Variants in ITPR3 observed in about 807,000 individuals in gnomAD.
The protein encoded by ITPR3 is inositol 1,4,5-trisphosphate-gated calcium channel ITPR3.
ITPR3 carries 173 observed loss-of-function variants against 293.2 expected under a neutral mutation model. The observed-to-expected ratio is 0.59, with a 90% CI of 0.52 to 0.67. The LOEUF (loss-of-function observed/expected upper bound fraction) is 0.67. ITPR3 is among the 30% of genes least tolerant of loss of function. The pLI is 0.00. For synonymous variants in ITPR3, 1,295 were observed against 1,444.4 expected (o/e 0.90, Z 2.35); for missense variants, 2,796 against 3,592.1 (o/e 0.78, Z 5.66).
chr6:33,694,892 C>G (rs370106258), intron 56 of ITPR3, 32 bp from the exon 57 acceptor site: 15 of 1,613,874 alleles, frequency 9.3e-6, no homozygotes, highest in Non-Finnish European at 1.1e-5. Context: ...GCCGGGCCCA[C>G]GCCTGCTTAA....
rs759602838 is a variant in ITPR3, at chr6:33,671,197, C to T, written c.2619C>T (p.Phe873=). 3 of 1,613,780 alleles carry T rather than the reference C, an allele frequency of 1.9e-6. No individual in the cohort carries two copies. The highest frequency in any genetic ancestry group is 2.5e-6 in the Non-Finnish European group (3 of 1,179,948). Reference sequence around the variant, plus strand: ...GCCTGGCGCACAATCTCATCTACTTCGGCTTCTACAGCTTCAGCGAGCTGC... The same window carrying T: ...GCCTGGCGCACAATCTCATCTACTTTGGCTTCTACAGCTTCAGCGAGCTGC... ...VVSLAHNLIY[F]GFYSFSELLR... The change falls in exon 21 of 58, where the codon TTC becomes TTT. Residue 873 remains phenylalanine, a synonymous_variant. Coordinates refer to ENST00000605930, the MANE Select transcript of ITPR3 (RefSeq NM_002224.4).
chr6:33,659,579 G>A (rs749593049), intron 7 of ITPR3, 30 bp downstream of exon 7: 5 of 1,584,762 alleles, frequency 3.2e-6, no homozygotes, highest in Admixed American at 1.7e-5. Flanking sequence ...GCCCTGCCCA[G>A]CTGGCCACCT....
chr6:33,688,897 G>C (rs1250832230), intron 49 of ITPR3, 116 bp downstream of exon 49: 1 of 1,370,024 alleles, frequency 7.3e-7, no homozygotes, highest in Non-Finnish European at 1.0e-6. Context: ...AGAGTGTGCA[G>C]AAGCACCCCC....
Position 33,690,937 on chromosome 6 carries a change from C to T in ITPR3, c.7053C>T (p.Arg2351=), listed in dbSNP as rs758141197. ...YSILLFDLIY[R]EETLFNVIKS... is the part of the protein sequence containing the mutation. ...TGCAGCTCTTTGACCTCATCTACCG[C>T]GAGGAGACGCTGTTCAACGTCATCA... is the stretch of plus-strand genomic sequence containing the variant. Residue 2351 remains arginine (R), a synonymous_variant, in exon 52 of 58, where the codon CGC becomes CGT. Transcript: ENST00000605930. The T allele has an allele frequency of 1.4e-5, 23 of 1,614,024 alleles. No individual in the cohort carries two copies. The highest frequency in any genetic ancestry group is 1.6e-5 in the Non-Finnish European group (19 of 1,180,012).
In ITPR3 at chr6:33,682,112, C is replaced by A. The variant is rs1183175061; in HGVS notation, c.4477-412C>A. The stretch of plus-strand genomic sequence containing the variant: ...GGCCAGGCTGGTCTCGAACTCCTGA[C>A]CGCAAGTCATCCACCCACCTTGGCC... On this transcript the variant is annotated intron_variant, in intron 33 of 57. Transcript: ENST00000605930. The surrounding 1 kb of genome is among the most constrained non-coding windows in gnomAD (Gnocchi z 5.4). Among the ~76,000 whole-genome samples the A allele has an allele frequency of 6.6e-6, 1 of 152,188 alleles. No homozygotes were observed. Among genetic ancestry groups the A allele is most frequent in the Non-Finnish European group, 1.5e-5 (1 of 68,032 alleles).
At position 33,679,020 on chromosome 6, in the gene ITPR3, T is replaced by C. The variant is rs143490729; in HGVS notation, c.3972+181T>C. On this transcript the variant is annotated intron_variant, in intron 30 of 57. Coordinates refer to ENST00000605930, the MANE Select transcript of ITPR3 (RefSeq NM_002224.4). This position sits in a 1 kb window ranked among gnomAD's most constrained non-coding sequence, Gnocchi z 4.2. ...GCTGCAGATGTGGTAGAACTCAGCC[T>C]GTGGGCCTGATAGAACTCAAGCAGG... Among the ~76,000 whole-genome samples the C allele has an allele frequency of 5.5e-3, 836 of 152,334 alleles. 5 individuals carry two copies. The highest frequency in any genetic ancestry group is 0.01 in the Middle Eastern group (3 of 294).
chr6:33,662,470 T>G (rs1582131000), intron 7 of ITPR3, 58 bp from the exon 8 acceptor site: 1 of 1,524,870 alleles, frequency 6.6e-7, no homozygotes. Context: ...GGGCCCTGGG[T>G]GGGTCCTTGA....
Position 33,634,941 on chromosome 6 carries a change from C to A in ITPR3, c.90-5543C>A, listed in dbSNP as rs1360368590. The stretch of plus-strand genomic sequence containing the variant: ...CGGCCTCTTCCTCTTTCCCCCGCTA[C>A]AAGGCCCTGTGTACCGGTCAAGATG... On this transcript the variant is annotated intron_variant, in intron 1 of 57. Coordinates refer to ENST00000605930, the MANE Select transcript of ITPR3 (RefSeq NM_002224.4). 2.6e-5 allele frequency among the ~76,000 whole-genome samples: 4 copies of A among 152,144 alleles called. No individual in the cohort carries two copies. In the South Asian group the frequency reaches 6.2e-4, roughly 24 times the overall value.
intron 2 of ITPR3, among the ~76,000 whole-genome samples, chr6:33,646,754 C>A (rs1034506061): frequency 2.6e-5 from 4 of 151,868 alleles, no homozygotes; most frequent in African/African-American, 9.7e-5. Context: ...CCCGTCCCTA[C>A]AAAAATACAA....
chr6:33,667,197 G>A lies in ITPR3; in HGVS notation c.1620G>A (p.Glu540=). The A allele has an allele frequency of 6.2e-7, 1 of 1,614,170 alleles. No homozygotes were observed. Residue 540 remains glutamate (E), a synonymous_variant, in exon 15 of 58, where the codon GAG becomes GAA. Transcript: ENST00000605930. This position sits in a 1 kb window ranked among gnomAD's most constrained non-coding sequence, Gnocchi z 4.4. The part of the protein sequence containing the change: ...GGEGPLVRLE[E]LSDQKNAPYQ... ...AAGGTCCCCTGGTGCGGCTGGAGGA[G>A]CTGTCAGACCAGAAGAACGCCCCCT...
At chr6:33,637,218 C>T (rs1272095721) in intron 1 of ITPR3, among the ~76,000 whole-genome samples, 1 of 152,198 alleles carries the variant, frequency 6.6e-6, no homozygotes, top group Non-Finnish European at 1.5e-5. Flanking sequence ...ACTAACATCA[C>T]CTCAGATGCC....
Position 33,677,022 on chromosome 6 carries a change from C to G in ITPR3, c.3455C>G (p.Thr1152Arg). The G allele has an allele frequency of 6.2e-7, 1 of 1,614,160 alleles. No homozygotes were observed. The highest frequency in any genetic ancestry group is 2.2e-5 in the East Asian group (1 of 44,884). The change falls in exon 27 of 58, where the codon ACG (threonine) becomes AGG (arginine). Residue 1152 changes from threonine (T) to arginine (R), a missense_variant. Thr to Arg is a moderately conservative substitution (Grantham distance 71). This residue lies in a region of ITPR3 where 344 missense variants were observed against 460.3 expected (regional missense o/e 0.75). Coordinates refer to ENST00000605930, the MANE Select transcript of ITPR3 (RefSeq NM_002224.4). ...GAAKDKKERPTDEEGFLHPPG... is the reference protein window; with the variant it reads ...GAAKDKKERPRDEEGFLHPPG... Reference sequence around the variant, plus strand: ...TCCTCTCTCTGCTTTCAGCGTCCCACGGACGAGGAGGGCTTTCTGCACCCA... The same window carrying G: ...TCCTCTCTCTGCTTTCAGCGTCCCAGGGACGAGGAGGGCTTTCTGCACCCA...
At chr6:33,629,094 T>C (rs888255383) in intron 1 of ITPR3, among the ~76,000 whole-genome samples, 2 of 152,214 alleles carry the variant, frequency 1.3e-5, no homozygotes. Context: ...ATAAATACAA[T>C]TCAGGAAAAG....
intron 42 of ITPR3, 30 bp from the exon 43 acceptor site, chr6:33,686,379 G>T (rs1015338563): frequency 6.2e-7 from 1 of 1,604,282 alleles, no homozygotes; most frequent in Non-Finnish European, 8.5e-7. Flanking sequence ...AGAGGGCCTG[G>T]GCCCTGTGTC....
At chr6:33,622,874 A>G (rs892271759) in intron 1 of ITPR3, among the ~76,000 whole-genome samples, 3 of 152,152 alleles carry the variant, frequency 2.0e-5, no homozygotes, top group Non-Finnish European at 4.4e-5. Context: ...GGCTCTGCCA[A>G]GCAGGGAGTT....
intron 8 of ITPR3, 58 bp downstream of exon 8, chr6:33,662,732 C>G (rs1427922375): frequency 6.3e-7 from 1 of 1,590,398 alleles, no homozygotes; most frequent in Non-Finnish European, 8.5e-7. Flanking sequence ...ACCCCTCCCT[C>G]TTCCCCACCA....
rs755652241 is a variant in ITPR3 at position 33,671,236 on chromosome 6, C to T, written c.2658C>T (p.Arg886=). The T allele has an allele frequency of 1.9e-6, 3 of 1,613,738 alleles. No individual in the cohort carries two copies. In the Admixed American group the frequency reaches 5.0e-5, roughly 27 times the overall value. Residue 886 remains arginine, a synonymous_variant, in exon 21 of 58, where the codon CGC becomes CGT. Coordinates refer to ENST00000605930, the MANE Select transcript of ITPR3 (RefSeq NM_002224.4). ...YSFSELLRLT[R]TLLGIIDCVQ... is the part of the protein sequence containing the mutation. Reference sequence around the variant, plus strand: ...TCAGCGAGCTGCTGCGGCTCACTCGCACACTGCTGGGCATCATCGACTGTG... The same window carrying T: ...TCAGCGAGCTGCTGCGGCTCACTCGTACACTGCTGGGCATCATCGACTGTG...
Position 33,692,052 on chromosome 6 carries a change from T to C in ITPR3, c.7458+124T>C. ...AGGGTTGAACCCCCTCCCCCGAACT[T>C]GTATCCACTTTTCCCTGCTTTCCAC... On this transcript the variant is annotated intron_variant, in intron 54 of 57. Transcript: ENST00000605930. This position sits in a 1 kb window ranked among gnomAD's most constrained non-coding sequence, Gnocchi z 4.2. 7.7e-7 allele frequency: 1 copy of C among 1,297,498 alleles called. No homozygotes were observed. Among genetic ancestry groups the C allele is most frequent in the Non-Finnish European group, 1.1e-6 (1 of 918,184 alleles). The allele number at this position is 1,297,498 out of a possible 1,614,324, so 80.4% of individuals were successfully genotyped here.
intron 32 of ITPR3, 35 bp from the exon 33 acceptor site, chr6:33,680,520 G>C: frequency 6.2e-7 from 1 of 1,610,922 alleles, no homozygotes; most frequent in South Asian, 1.1e-5. Context: ...GGCCCCATGT[G>C]AGGAGCCCCC....
Sources: gnomAD v4.1 joint callset for allele counts (sites outside exome capture counted in the v4.1 genomes callset) on GRCh38, gnomAD v4.1.1 for gene constraint, gnomAD v4.1.1 regional missense constraint, Gnocchi (gnomAD v3.1) non-coding constraint, MANE v1.5 for transcripts, NCBI Gene and HGNC (gene_info 2026-07-23, HGNC 2026-07-21) for gene names.